PDE4B: variants seen among roughly 807,000 people sequenced by gnomAD.
PDE4B encodes phosphodiesterase 4B.
A neutral mutation model predicts 82.2 loss-of-function variants in PDE4B; 20 were observed. The observed-to-expected ratio is 0.24, with a 90% CI of 0.17 to 0.35. PDE4B has a LOEUF of 0.35. Ranked by LOEUF, PDE4B falls within the 10% of genes least tolerant of loss-of-function variation. The probability of loss-of-function intolerance (pLI) is 1.00; values close to 1 mark genes in which losing one functional copy is unlikely to be tolerated. For missense variants in PDE4B, 655 were observed against 907.2 expected (o/e 0.72, Z 3.57); for synonymous variants, 320 against 318.9 (o/e 1.00, Z -0.04).
chr1:65,933,441 C>T (rs1006986872), intron 3 of PDE4B, among the ~76,000 whole-genome samples: 6 of 152,136 alleles, frequency 3.9e-5, no homozygotes, highest in African/African-American at 1.2e-4. Context: ...GCCTGTAATC[C>T]CAGCATTTTG....
chr1:65,902,086 G>T (rs1381144956), intron 1 of PDE4B, among the ~76,000 whole-genome samples: 2 of 151,918 alleles, frequency 1.3e-5, no homozygotes, highest in African/African-American at 2.4e-5. Context: ...CCATGTCATT[G>T]TGTGGTTTTG....
At chr1:65,822,691 C>T (rs76459880) in intron 1 of PDE4B, among the ~76,000 whole-genome samples, 1,693 of 152,098 alleles carry the variant, frequency 0.011, 68 homozygotes, top group East Asian at 0.093. Context: ...TTTTCCCTTC[C>T]GCTGCTTCTA....
intron 3 of PDE4B, among the ~76,000 whole-genome samples, chr1:66,116,707 G>A (rs1173919730): frequency 1.3e-5 from 2 of 152,108 alleles, no homozygotes; most frequent in African/African-American, 4.8e-5. Flanking sequence ...GGGATTACAG[G>A]CATGTGCCAC....
intron 1 of PDE4B, among the ~76,000 whole-genome samples, chr1:65,800,002 T>G (rs1645676842): frequency 6.6e-6 from 1 of 152,232 alleles, no homozygotes; most frequent in Non-Finnish European, 1.5e-5. Context: ...AGTGGTCATT[T>G]AAAACCAATT....
chr1:65,860,988 T>A (rs1418554418), intron 1 of PDE4B, among the ~76,000 whole-genome samples: 4 of 152,202 alleles, frequency 2.6e-5, no homozygotes, highest in Non-Finnish European at 4.4e-5. Flanking sequence ...TTTCTCCCAT[T>A]CTGTAGGTTG....
chr1:65,934,233 G>A (rs1241267210), intron 3 of PDE4B, among the ~76,000 whole-genome samples: 1 of 152,180 alleles, frequency 6.6e-6, no homozygotes, highest in Non-Finnish European at 1.5e-5. Flanking sequence ...AGGATTACTT[G>A]AGCCCAGGAG....
chr1:65,938,087 A>G (rs896974441), intron 3 of PDE4B, among the ~76,000 whole-genome samples: 1 of 152,208 alleles, frequency 6.6e-6, no homozygotes, highest in Non-Finnish European at 1.5e-5. Context: ...CACTTTGGAT[A>G]TTTGATGGCT....
At chr1:66,263,228 C>T (rs1654813192) in intron 6 of PDE4B, among the ~76,000 whole-genome samples, 1 of 152,176 alleles carries the variant, frequency 6.6e-6, no homozygotes, top group East Asian at 1.9e-4. Context: ...CAGGAAACTA[C>T]AGAACACAGG....
At chr1:66,215,386 T>A (rs1490382949) in intron 3 of PDE4B, among the ~76,000 whole-genome samples, 1 of 152,118 alleles carries the variant, frequency 6.6e-6, no homozygotes, top group African/African-American at 2.4e-5. Context: ...GCCAAGATGT[T>A]AGATGTTAGA....
rs534080066 is a variant in PDE4B at position 66,242,452 on chromosome 1, G to C, written c.282-5008G>C. The stretch of plus-strand genomic sequence containing the variant: ...TTGTGGAGTTTGCAGTCTTTCTAGC[G>C]GGTTATTTGTTAGAATAAGCCAAAG... On this transcript the variant is annotated intron_variant, in intron 3 of 16. Coordinates refer to ENST00000341517, the MANE Select transcript of PDE4B (RefSeq NM_002600.4). Among the ~76,000 whole-genome samples the C allele has an allele frequency of 9.9e-5, 15 of 152,230 alleles. No homozygotes were observed. In the South Asian group the frequency reaches 3.1e-3, roughly 32 times the overall value.
chr1:65,917,141 C>G (rs747891293), intron 2 of PDE4B, among the ~76,000 whole-genome samples: 3 of 152,026 alleles, frequency 2.0e-5, no homozygotes, highest in Admixed American at 6.5e-5. Flanking sequence ...CCTCTTTTTG[C>G]TATTGTATCC....
chr1:66,035,080 G>A (rs182106203), intron 3 of PDE4B, among the ~76,000 whole-genome samples: 68 of 152,230 alleles, frequency 4.5e-4, no homozygotes, highest in African/African-American at 1.5e-3. Context: ...GTACTTATCT[G>A]CAATCCATTA....
At chr1:66,330,605 C>T (rs1660035361) in intron 7 of PDE4B, 1 of 164,102 alleles carries the variant, frequency 6.1e-6, no homozygotes, top group East Asian at 1.9e-4. Context: ...ATGTGGAAGA[C>T]ATGAAGGTAG....
At chr1:66,020,471 C>A (rs933365137) in intron 3 of PDE4B, among the ~76,000 whole-genome samples, 11 of 151,650 alleles carry the variant, frequency 7.3e-5, no homozygotes, top group South Asian at 2.1e-4. Flanking sequence ...TCCCTCCCCC[C>A]ACCCCATGGA....
intron 2 of PDE4B, 101 bp from the exon 3 acceptor site, chr1:65,918,496 A>G (rs563117992): frequency 1.4e-5 from 10 of 703,984 alleles, no homozygotes; most frequent in Admixed American, 1.3e-4. Context: ...TCAGGACATC[A>G]TAAGTGACAG....
intron 1 of PDE4B, among the ~76,000 whole-genome samples, chr1:65,844,615 T>A (rs1646248031): frequency 6.6e-6 from 1 of 152,188 alleles, no homozygotes; most frequent in Non-Finnish European, 1.5e-5. Flanking sequence ...TTGTAATTTA[T>A]TTTATTATAG....
rs968171036 is a variant in PDE4B, at chr1:65,928,235, G to A, written c.281+9400G>A. 2.6e-5 allele frequency among the ~76,000 whole-genome samples: 4 copies of A among 152,262 alleles called. No individual in the cohort carries two copies. The South Asian group carries it at 8.3e-4, about 32-fold the overall frequency. On this transcript the variant is annotated intron_variant, in intron 3 of 16. Transcript: ENST00000341517. ...CAAGGAGTTCTGGGTCTGTAAACTG[G>A]CTCAAGTCTGGAAATCGATTGAGGG...
At chr1:66,124,621 C>T (rs1287502441) in intron 3 of PDE4B, among the ~76,000 whole-genome samples, 2 of 152,142 alleles carry the variant, frequency 1.3e-5, no homozygotes, top group African/African-American at 2.4e-5. Flanking sequence ...ATATCATCCC[C>T]CATATTTTGC....
chr1:65,972,085 T>C (rs1403137841), intron 3 of PDE4B, among the ~76,000 whole-genome samples: 1 of 152,204 alleles, frequency 6.6e-6, no homozygotes, highest in Non-Finnish European at 1.5e-5. Flanking sequence ...AATTTGGTAA[T>C]ATATTATGAC....
Sources: allele counts gnomAD v4.1 joint callset (sites outside exome capture counted in the v4.1 genomes callset), GRCh38; gene constraint gnomAD v4.1.1; transcripts MANE v1.5; gene names NCBI Gene and HGNC (gene_info 2026-07-23, HGNC 2026-07-21).